CCDC88C: variants seen among roughly 807,000 people sequenced by gnomAD.
CCDC88C encodes the protein protein Daple.
Under a neutral mutation model 198.8 loss-of-function variants are expected in CCDC88C, and 131 were observed. The ratio of observed to expected loss-of-function variants is 0.66; its 90% CI spans 0.57 to 0.76. The LOEUF is 0.76. CCDC88C is among the 30% of genes least tolerant of loss of function. The pLI, the probability that CCDC88C is intolerant of heterozygous loss-of-function variation, is 0.00. For synonymous variants in CCDC88C, 1,166 were observed against 1,114.7 expected (o/e 1.05, Z -0.92); for missense variants, 2,553 against 2,631.6 (o/e 0.97, Z 0.65).
chr14:91,342,177 C>G, intron 6 of CCDC88C: 1 of 385,840 alleles, frequency 2.6e-6, no homozygotes, highest in Non-Finnish European at 4.6e-6. Flanking sequence ...TTTATTTTTA[C>G]CCTCATTTTA....
At chr14:91,285,621 C>A in intron 25 of CCDC88C, 1 of 1,245,948 alleles carries the variant, frequency 8.0e-7, no homozygotes, top group East Asian at 5.8e-5. Context: ...GTTTGAATTT[C>A]GGAAATGAAG....
intron 22 of CCDC88C, 115 bp from the exon 23 acceptor site, chr14:91,294,433 T>C (rs1312347178): frequency 2.6e-5 from 32 of 1,239,324 alleles, no homozygotes; most frequent in East Asian, 2.6e-4. Context: ...CGCAGCATAA[T>C]CTACGCCAGT....
At chr14:91,369,458 G>A (rs1029830394) in intron 3 of CCDC88C, among the ~76,000 whole-genome samples, 4 of 152,104 alleles carry the variant, frequency 2.6e-5, no homozygotes, top group Admixed American at 2.0e-4. Context: ...CACCCACCTC[G>A]GCCTCCCAAA....
At chr14:91,387,390 G>A (rs992515645) in intron 3 of CCDC88C, among the ~76,000 whole-genome samples, 5 of 152,154 alleles carry the variant, frequency 3.3e-5, no homozygotes, top group African/African-American at 7.2e-5. Flanking sequence ...ACTCCGCTGC[G>A]TCTTCTTCCA....
intron 3 of CCDC88C, among the ~76,000 whole-genome samples, chr14:91,378,214 G>C (rs552879651): frequency 5.3e-5 from 8 of 152,326 alleles, no homozygotes; most frequent in African/African-American, 1.7e-4. Flanking sequence ...AGCTGGCAGA[G>C]GTCACTACAG....
chr14:91,414,833 C>A (rs749709053), intron 2 of CCDC88C, among the ~76,000 whole-genome samples: 1 of 152,200 alleles, frequency 6.6e-6, no homozygotes, highest in Non-Finnish European at 1.5e-5. Context: ...GAGAGAACAT[C>A]TAAAATTGCC....
intron 3 of CCDC88C, among the ~76,000 whole-genome samples, chr14:91,361,090 A>G (rs2034505194): frequency 6.6e-6 from 1 of 150,762 alleles, no homozygotes; most frequent in African/African-American, 2.4e-5. Context: ...ATGTTGCACG[A>G]GTGCACTCCA....
intron 16 of CCDC88C, among the ~76,000 whole-genome samples, chr14:91,309,161 G>A (rs28687910): frequency 0.15 from 22,198 of 152,126 alleles, 1,799 homozygotes; most frequent in African/African-American, 0.21. Context: ...ACCAGGAGGC[G>A]GAGGTTTTCA....
At chr14:91,300,168 T>G in intron 20 of CCDC88C, 98 bp from the exon 21 acceptor site, 1 of 1,491,042 alleles carries the variant, frequency 6.7e-7, no homozygotes, top group East Asian at 2.5e-5. Context: ...CGTGAGAAAA[T>G]GGGATTCCTC....
chr14:91,296,705 C>T (rs1176224327), intron 22 of CCDC88C, among the ~76,000 whole-genome samples: 1 of 152,166 alleles, frequency 6.6e-6, no homozygotes, highest in Non-Finnish European at 1.5e-5. Flanking sequence ...AAAGAGCAAA[C>T]CTTGTCCTGA....
intron 2 of CCDC88C, among the ~76,000 whole-genome samples, chr14:91,413,870 G>A (rs1886916291): frequency 2.0e-5 from 3 of 152,196 alleles, no homozygotes; most frequent in African/African-American, 7.2e-5. Flanking sequence ...ATTTCTTCAG[G>A]TCCTACAAAC....
chr14:91,321,136 T>C lies in CCDC88C; in HGVS notation c.1511A>G (p.His504Arg), dbSNP rs565855758. ...LKCGELEKENHQLSKKIEKLQ... is the reference protein window; with the variant it reads ...LKCGELEKENRQLSKKIEKLQ... ...CCGAGGTACCTTCTTGCTGAGCTGG[T>C]GGTTCTCCTTCTCCAGCTCCCCGCA... Residue 504 changes from histidine (H) to arginine (R), a missense_variant, in exon 13 of 30, where the codon CAC (histidine) becomes CGC (arginine). Around this residue, in one of 2 missense-constraint regions of CCDC88C, gnomAD observed 1,260 missense variants for 1,412.0 expected, o/e 0.89. Transcript: ENST00000389857. 1 of 1,610,608 alleles carries C rather than the reference T, an allele frequency of 6.2e-7. No individual in the cohort carries two copies. Among genetic ancestry groups the C allele is most frequent in the Non-Finnish European group, 8.5e-7 (1 of 1,178,394 alleles).
chr14:91,343,171 G>A (rs935446684), intron 5 of CCDC88C, among the ~76,000 whole-genome samples: 3 of 152,118 alleles, frequency 2.0e-5, no homozygotes, highest in African/African-American at 7.2e-5. Context: ...GCCAAGGCTG[G>A]TCTTGAACTC....
At chr14:91,409,273 C>T (rs1041245253) in intron 2 of CCDC88C, among the ~76,000 whole-genome samples, 2 of 151,576 alleles carry the variant, frequency 1.3e-5, no homozygotes, top group Admixed American at 6.6e-5. Context: ...ACTACAGCCT[C>T]GAACTCCTGA....
chr14:91,300,175 C>A, intron 20 of CCDC88C, 105 bp from the exon 21 acceptor site: 5 of 1,462,914 alleles, frequency 3.4e-6, no homozygotes, highest in Non-Finnish European at 4.6e-6. Flanking sequence ...AAATGGGATT[C>A]CTCTGGAGAG....
chr14:91,310,809 G>A (rs1891786518), intron 15 of CCDC88C, among the ~76,000 whole-genome samples: 1 of 152,144 alleles, frequency 6.6e-6, no homozygotes. Flanking sequence ...TCTAGATAGT[G>A]ACCGTTTTCT....
rs762288121 is a variant in CCDC88C at position 91,307,161 on chromosome 14, G to T, written c.3072C>A (p.Phe1024Leu). The T allele has an allele frequency of 8.1e-6, 13 of 1,613,822 alleles. No individual in the cohort carries two copies. The South Asian group carries it at 1.3e-4, about 16-fold the overall frequency. Residue 1024 changes from phenylalanine (F) to leucine (L), a missense_variant, in exon 18 of 30, where the codon TTC (phenylalanine) becomes TTA (leucine). Around this residue, in one of 2 missense-constraint regions of CCDC88C, gnomAD observed 1,260 missense variants for 1,412.0 expected, o/e 0.89. Transcript: ENST00000389857. ...CGGCTGTCTTCCCCGCAGGGTGCTTGAAAGAGTTCTGCAAGTGCTGCCCCT... is the reference window on the plus strand; with the variant it reads ...CGGCTGTCTTCCCCGCAGGGTGCTTTAAAGAGTTCTGCAAGTGCTGCCCCT... ...QGEGQHLQNS[F>L]KHPAGKTAAS...
intron 21 of CCDC88C, among the ~76,000 whole-genome samples, chr14:91,298,649 G>A (rs1596039725): frequency 6.6e-6 from 1 of 152,262 alleles, no homozygotes; most frequent in South Asian, 2.1e-4. Flanking sequence ...TCCCGGGCCC[G>A]CCTCCAGCTG....
intron 3 of CCDC88C, among the ~76,000 whole-genome samples, chr14:91,404,952 G>A (rs1474157575): frequency 4.8e-5 from 7 of 145,872 alleles, no homozygotes; most frequent in African/African-American, 1.3e-4. Context: ...GCGACAGAGC[G>A]AGACTCCATC....
Sources: allele counts gnomAD v4.1 joint callset (sites outside exome capture counted in the v4.1 genomes callset), GRCh38; gene constraint gnomAD v4.1.1; regional missense constraint gnomAD v4.1.1; transcripts MANE v1.5; gene names NCBI Gene and HGNC (gene_info 2026-07-23, HGNC 2026-07-21).